The following LINGO2 variants were observed in gnomAD, a reference collection of about 807,000 sequenced individuals.
LINGO2 encodes the protein leucine rich repeat and Ig domain containing 2, also known as leucine-rich repeat and immunoglobulin-like domain-containing nogo receptor-interacting protein 2.
In LINGO2, 14 loss-of-function variants were observed where a neutral mutation model predicts 30.6. That is an observed-to-expected ratio of 0.46 (90% CI 0.30 to 0.72). The LOEUF (loss-of-function observed/expected upper bound fraction) is 0.72. Among genes scored for constraint, LINGO2 ranks in the 30% least tolerant of loss-of-function variants. The pLI, the probability that LINGO2 is intolerant of heterozygous loss-of-function variation, is 0.07. For missense variants in LINGO2, 729 were observed against 751.7 expected (o/e 0.97, Z 0.35); for synonymous variants, 317 against 288.5 (o/e 1.10, Z -1.00).
chr9:28,789,746 T>G, the LINGO2 span, among the ~76,000 whole-genome samples: 1 of 151,940 alleles, frequency 6.6e-6, no homozygotes, highest in South Asian at 2.1e-4. Context: ...TCAAGAGAGG[T>G]GAGAAAGCAT....
intron 3 of LINGO2, among the ~76,000 whole-genome samples, chr9:28,358,097 T>C (rs1191657509): frequency 1.3e-5 from 2 of 152,172 alleles, no homozygotes; most frequent in African/African-American, 4.8e-5. Context: ...ACCAAAACTA[T>C]TTTATAATTT....
intron 1 of LINGO2, among the ~76,000 whole-genome samples, chr9:28,497,082 G>T (rs907527479): frequency 2.8e-4 from 42 of 152,158 alleles, no homozygotes; most frequent in African/African-American, 8.9e-4. Context: ...CTCTCTGGCT[G>T]CCCTTAACAT....
At chr9:28,024,904 T>C (rs569735774) in intron 4 of LINGO2, among the ~76,000 whole-genome samples, 2 of 152,208 alleles carry the variant, frequency 1.3e-5, no homozygotes, top group East Asian at 3.9e-4. Context: ...GAGTAGGGGA[T>C]TGGTGACTGT....
intron 4 of LINGO2, among the ~76,000 whole-genome samples, chr9:28,215,960 A>G (rs1315710570): frequency 6.6e-6 from 1 of 151,870 alleles, no homozygotes; most frequent in Non-Finnish European, 1.5e-5. Flanking sequence ...AATGTGCTCA[A>G]TGGCATGGAG....
intron 1 of LINGO2, among the ~76,000 whole-genome samples, chr9:28,477,943 C>T (rs1334325097): frequency 6.6e-6 from 1 of 152,048 alleles, no homozygotes; most frequent in Non-Finnish European, 1.5e-5. Context: ...AACTCATTTT[C>T]TAATAAGCCA....
the LINGO2 span, among the ~76,000 whole-genome samples, chr9:28,885,251 G>T: frequency 6.8e-6 from 1 of 147,690 alleles, no homozygotes; most frequent in Non-Finnish European, 1.5e-5. Flanking sequence ...GGGTGAGGTT[G>T]CCCCATGGGT....
the LINGO2 span, among the ~76,000 whole-genome samples, chr9:29,177,945 T>A: frequency 1.3e-5 from 2 of 152,170 alleles, no homozygotes; most frequent in Non-Finnish European, 2.9e-5. Context: ...GTATTAAACA[T>A]CTTCTTCCAC....
At chr9:28,279,286 C>A (rs1286956629) in intron 4 of LINGO2, among the ~76,000 whole-genome samples, 1 of 152,106 alleles carries the variant, frequency 6.6e-6, no homozygotes, top group Non-Finnish European at 1.5e-5. Context: ...AAAGCAGTAG[C>A]AATGTTTGAG....
intron 1 of LINGO2, among the ~76,000 whole-genome samples, chr9:28,582,931 TGTTA>T (rs1367445884): frequency 6.6e-6 from 1 of 152,056 alleles, no homozygotes; most frequent in African/African-American, 2.4e-5. Context: ...CTCCTCTAGT[TGTTA>T]GTATTATCTT....
chr9:29,087,645 T>C, the LINGO2 span, among the ~76,000 whole-genome samples: 2 of 152,180 alleles, frequency 1.3e-5, no homozygotes, highest in African/African-American at 4.8e-5. Context: ...CTTTTAATTT[T>C]TTTCCCAGTC....
chr9:28,774,294 G>A, the LINGO2 span, among the ~76,000 whole-genome samples: 3 of 152,048 alleles, frequency 2.0e-5, no homozygotes, highest in Non-Finnish European at 4.4e-5. Context: ...TCCTAAAACG[G>A]TTCACTGAAT....
At chr9:28,495,468 T>C (rs1272357031) in intron 1 of LINGO2, among the ~76,000 whole-genome samples, 3 of 152,190 alleles carry the variant, frequency 2.0e-5, no homozygotes, top group African/African-American at 7.2e-5. Context: ...ATTTATTAAA[T>C]AGGGAATCCT....
At chr9:29,018,503 T>A in the LINGO2 span, among the ~76,000 whole-genome samples, 1 of 152,112 alleles carries the variant, frequency 6.6e-6, no homozygotes, top group Non-Finnish European at 1.5e-5. Context: ...TTATGGGTAA[T>A]CACTGCTTTG....
the LINGO2 span, among the ~76,000 whole-genome samples, chr9:28,690,219 CT>C: frequency 1.3e-5 from 2 of 151,942 alleles, no homozygotes; most frequent in African/African-American, 4.8e-5. Flanking sequence ...ACATGTACCC[CT>C]GAAGTTAAAA....
At chr9:28,898,974 T>C in the LINGO2 span, among the ~76,000 whole-genome samples, 9 of 152,156 alleles carry the variant, frequency 5.9e-5, no homozygotes, top group Non-Finnish European at 8.8e-5. Context: ...TGAAACGTTT[T>C]ATGGTGAAGA....
At chr9:28,802,782 G>A in the LINGO2 span, among the ~76,000 whole-genome samples, 1 of 152,106 alleles carries the variant, frequency 6.6e-6, no homozygotes, top group East Asian at 1.9e-4. Context: ...AAGCAAGGAC[G>A]GGGCTTGTAT....
chr9:28,218,788 C>T (rs1820858351), intron 4 of LINGO2, among the ~76,000 whole-genome samples: 1 of 152,096 alleles, frequency 6.6e-6, no homozygotes, highest in Non-Finnish European at 1.5e-5. Flanking sequence ...GGGTGAAGGC[C>T]ATGAGACCCT....
intron 4 of LINGO2, among the ~76,000 whole-genome samples, chr9:28,226,630 A>C (rs1044994151): frequency 2.5e-5 from 2 of 79,648 alleles, no homozygotes; most frequent in African/African-American, 9.6e-5. Flanking sequence ...AAAGAAGGAA[A>C]GAAGGAAAGA....
At chr9:28,242,007 A>T (rs967968945) in intron 4 of LINGO2, among the ~76,000 whole-genome samples, 1 of 150,920 alleles carries the variant, frequency 6.6e-6, no homozygotes, top group Non-Finnish European at 1.5e-5. Context: ...AATCATGAAG[A>T]TGAGAAAAAA....
Sources: gnomAD v4.1 joint callset for allele counts (sites outside exome capture counted in the v4.1 genomes callset) on GRCh38, gnomAD v4.1.1 for gene constraint, MANE v1.5 for transcripts, NCBI Gene and HGNC (gene_info 2026-07-23, HGNC 2026-07-21) for gene names.